Variants in SOX5 observed in about 807,000 individuals in gnomAD.
SOX5 encodes transcription factor SOX-5.
SOX5 carries 9 observed loss-of-function variants against 92.0 expected under a neutral mutation model. The ratio of observed to expected loss-of-function variants is 0.10; its 90% CI spans 0.06 to 0.17. SOX5 has a LOEUF of 0.17. SOX5 is among the 10% of genes least tolerant of loss of function. The pLI is 1.00. For missense variants in SOX5, 642 were observed against 944.5 expected (o/e 0.68, Z 4.20); for synonymous variants, 344 against 336.3 (o/e 1.02, Z -0.25).
chr12:23,950,773 C>T, upstream of SOX5: 3 of 1,123,654 alleles, frequency 2.7e-6, no homozygotes, highest in Non-Finnish European at 3.9e-6. Context: ...TTCCAATTAT[C>T]TAGATAAAAA....
intron 4 of SOX5, among the ~76,000 whole-genome samples, chr12:24,105,454 T>C (rs897374736): frequency 6.6e-6 from 1 of 152,066 alleles, no homozygotes; most frequent in Non-Finnish European, 1.5e-5. Context: ...GGCAGGATAA[T>C]CACTTGAACT....
chr12:24,368,117 G>T (rs1296966503), intron 2 of SOX5: 1 of 152,162 alleles, frequency 6.6e-6, no homozygotes, highest in Non-Finnish European at 1.5e-5. Context: ...TGGAGGAACT[G>T]ATGAAGTAGG....
At chr12:24,237,516 A>G (rs67032953) in intron 3 of SOX5, among the ~76,000 whole-genome samples, 26,071 of 152,122 alleles carry the variant, frequency 0.17, 2,346 homozygotes, top group Non-Finnish European at 0.2. Flanking sequence ...ATTTTCTTCA[A>G]AAGTTTAATT....
At chr12:23,644,794 C>G (rs1326301631) in intron 7 of SOX5, among the ~76,000 whole-genome samples, 1 of 152,092 alleles carries the variant, frequency 6.6e-6, no homozygotes, top group Non-Finnish European at 1.5e-5. Flanking sequence ...TATTTAAAAG[C>G]TAAATTCATG....
At chr12:23,591,096 T>C (rs1951476448) in intron 9 of SOX5, among the ~76,000 whole-genome samples, 1 of 152,008 alleles carries the variant, frequency 6.6e-6, no homozygotes, top group South Asian at 2.1e-4. Context: ...TTTTATGTGC[T>C]CAATTCTAAA....
At chr12:23,979,252 C>CT (rs1949246029) in intron 4 of SOX5, among the ~76,000 whole-genome samples, 1 of 152,130 alleles carries the variant, frequency 6.6e-6, no homozygotes, top group Non-Finnish European at 1.5e-5. Context: ...GAGACAGAGT[C>CT]TTACTCTGTC....
intron 9 of SOX5, among the ~76,000 whole-genome samples, chr12:23,594,318 C>T (rs988164692): frequency 6.6e-6 from 1 of 152,138 alleles, no homozygotes; most frequent in Non-Finnish European, 1.5e-5. Flanking sequence ...ATATCCCTCA[C>T]TTTATACACT....
intron 1 of SOX5, among the ~76,000 whole-genome samples, chr12:23,923,684 G>A (rs978869064): frequency 6.6e-6 from 1 of 152,064 alleles, no homozygotes; most frequent in Non-Finnish European, 1.5e-5. Flanking sequence ...CAATTTTGGG[G>A]TTTAGGGTCT....
chr12:24,528,711 T>C (rs1391113126), intron 1 of SOX5, among the ~76,000 whole-genome samples: 1 of 152,186 alleles, frequency 6.6e-6, no homozygotes, highest in East Asian at 1.9e-4. Flanking sequence ...CTTACTTATC[T>C]ATGTGACCTT....
At chr12:23,940,985 T>C (rs1595799889) in intron 1 of SOX5, among the ~76,000 whole-genome samples, 1 of 151,558 alleles carries the variant, frequency 6.6e-6, no homozygotes, top group Non-Finnish European at 1.5e-5. Flanking sequence ...TATGTTCCTG[T>C]AGCACATGCC....
chr12:24,258,247 A>C (rs1175207719), intron 3 of SOX5, among the ~76,000 whole-genome samples: 1 of 152,150 alleles, frequency 6.6e-6, no homozygotes, highest in Non-Finnish European at 1.5e-5. Flanking sequence ...ACCCTTAAAC[A>C]TTCCTGAATT....
At chr12:24,206,431 C>T (rs1438510177) in intron 4 of SOX5, among the ~76,000 whole-genome samples, 1 of 152,134 alleles carries the variant, frequency 6.6e-6, no homozygotes, top group Non-Finnish European at 1.5e-5. Context: ...ACTTAAGAGC[C>T]AGAACTCTGC....
chr12:24,474,639 G>A (rs574399400), intron 1 of SOX5, among the ~76,000 whole-genome samples: 4 of 152,044 alleles, frequency 2.6e-5, no homozygotes, highest in African/African-American at 7.2e-5. Context: ...AGGTTCAAGC[G>A]ATTCTCCTGC....
chr12:24,511,703 A>G (rs200935837), intron 1 of SOX5, among the ~76,000 whole-genome samples: 1 of 152,114 alleles, frequency 6.6e-6, no homozygotes, highest in East Asian at 1.9e-4. Flanking sequence ...TCACGTCTGT[A>G]ATCCCAGCAC....
chr12:24,049,494 T>C (rs186970118), intron 4 of SOX5, among the ~76,000 whole-genome samples: 7 of 152,276 alleles, frequency 4.6e-5, no homozygotes, highest in Admixed American at 2.0e-4. Flanking sequence ...TTCTTCAATA[T>C]TCCAATGAAC....
At chr12:24,320,661 C>T (rs1320741341) in intron 2 of SOX5, among the ~76,000 whole-genome samples, 1 of 151,908 alleles carries the variant, frequency 6.6e-6, no homozygotes, top group African/African-American at 2.4e-5. Context: ...GTCAGGAGAT[C>T]GAGACCATCC....
At chr12:24,266,409 G>A (rs947768952) in intron 3 of SOX5, among the ~76,000 whole-genome samples, 5 of 152,130 alleles carry the variant, frequency 3.3e-5, no homozygotes, top group Admixed American at 3.3e-4. Flanking sequence ...TGTGCACTGT[G>A]TGAAATGGTT....
In SOX5 at chr12:24,393,091, C is replaced by T. The variant is rs1191159626; in HGVS notation, c.-250-24452G>A. 6.6e-6 allele frequency among the ~76,000 whole-genome samples: 1 copy of T among 152,080 alleles called. No homozygotes were observed. Among genetic ancestry groups the T allele is most frequent in the Non-Finnish European group, 1.5e-5 (1 of 68,028 alleles). On this transcript the variant is annotated intron_variant, in intron 1 of 4. Coordinates refer to the SOX5 transcript ENST00000446891. The surrounding 1 kb of genome is among the most constrained non-coding windows in gnomAD (Gnocchi z 5.0). Reference sequence around the variant, plus strand: ...GTATTTTTTTCTTTTCTATCTCAACCACCACTCTCCCAATTATAATAAATG... The same window carrying T: ...GTATTTTTTTCTTTTCTATCTCAACTACCACTCTCCCAATTATAATAAATG...
At chr12:23,683,853 T>A (rs1246522985) in intron 6 of SOX5, among the ~76,000 whole-genome samples, 1 of 151,834 alleles carries the variant, frequency 6.6e-6, no homozygotes, top group Admixed American at 6.6e-5. Context: ...CACATAATTT[T>A]GAGTAGAATG....
Sources: allele counts gnomAD v4.1 joint callset (sites outside exome capture counted in the v4.1 genomes callset), GRCh38; gene constraint gnomAD v4.1.1; non-coding constraint Gnocchi (gnomAD v3.1); transcripts MANE v1.5; gene names NCBI Gene and HGNC (gene_info 2026-07-23, HGNC 2026-07-21).